The following SCUBE3 variants were observed in gnomAD, a reference collection of about 807,000 sequenced individuals.
The protein encoded by SCUBE3 is signal peptide, CUB and EGF-like domain-containing protein 3.
In SCUBE3, 33 loss-of-function variants were observed where a neutral mutation model predicts 116.8. The observed-to-expected ratio is 0.28, with a 90% CI of 0.21 to 0.38. The LOEUF (loss-of-function observed/expected upper bound fraction) is 0.38, where lower values mean the gene tolerates loss of function less well. Ranked by LOEUF, SCUBE3 falls within the 10% of genes least tolerant of loss-of-function variation. The pLI is 1.00. For missense variants in SCUBE3, 1,007 were observed against 1,324.8 expected (o/e 0.76, Z 3.72); for synonymous variants, 418 against 496.9 (o/e 0.84, Z 2.11).
Position 35,243,146 on chromosome 6 carries a change from C to A in SCUBE3, c.1819C>A (p.Leu607Met), listed in dbSNP as rs948926810. Residue 607 changes from leucine (L) to methionine (M), a missense_variant, in exon 15 of 22, where the codon CTG becomes ATG. Physicochemically the swap from Leu to Met is conservative, Grantham distance 15. Coordinates refer to ENST00000274938, the MANE Select transcript of SCUBE3 (RefSeq NM_152753.4). The surrounding 1 kb of genome is among the most constrained non-coding windows in gnomAD (Gnocchi z 6.6). ...GCGCCTGGCAGGCCTTGATTATGAG[C>A]TGGCCCACAAGCCGGGCCTGGTAGC... The part of the protein sequence containing the change: ...LLRLAGLDYE[L>M]AHKPGLVAGE... 1.9e-6 allele frequency: 3 copies of A among 1,614,090 alleles called. No individual in the cohort carries two copies. Among genetic ancestry groups the A allele is most frequent in the Non-Finnish European group, 2.5e-6 (3 of 1,180,026 alleles).
Position 35,243,382 on chromosome 6 carries a change from C to A in SCUBE3, c.1909+146C>A. On this transcript the variant is annotated intron_variant, in intron 15 of 21. Coordinates refer to ENST00000274938, the MANE Select transcript of SCUBE3 (RefSeq NM_152753.4). This position sits in a 1 kb window ranked among gnomAD's most constrained non-coding sequence, Gnocchi z 6.6. ...GCCCGCTGTCCTCCCTTCCTTGGTT[C>A]CAGGCTGAAATCTAGAAGGATGCCA... 1.1e-6 allele frequency: 1 copy of A among 887,542 alleles called. No individual in the cohort carries two copies. Among genetic ancestry groups the A allele is most frequent in the South Asian group, 1.6e-5 (1 of 61,698 alleles). 55.0% of individuals were successfully genotyped at this position (887,542 alleles called of 1,614,324 possible).
intron 7 of SCUBE3, among the ~76,000 whole-genome samples, chr6:35,238,559 T>C (rs1783878751): frequency 6.6e-6 from 1 of 152,232 alleles, no homozygotes; most frequent in Non-Finnish European, 1.5e-5. Context: ...AGTCACTTAA[T>C]GTCTCTGTGC....
rs764779695 is a variant in SCUBE3 at position 35,226,480 on chromosome 6, C to CTTTTTTTTTTTTTTT, written c.86-1092_86-1078dup. ...CAGAAGTTGGACTCTTTTCTATGTC[C>CTTTTTTTTTTTTTTT]TTTTTTTTTTTTTTTTTTTTTTGAG... On this transcript the variant is annotated intron_variant, in intron 1 of 21. Transcript: ENST00000274938. 2.5e-4 allele frequency among the ~76,000 whole-genome samples: 21 copies of CTTTTTTTTTTTTTTT among 85,230 alleles called. 3 individuals are homozygous for CTTTTTTTTTTTTTTT. The highest frequency in any genetic ancestry group is 6.3e-4 in the African/African-American group (13 of 20,734). The allele number at this position is 85,230 out of a possible 152,430, so 55.9% of individuals were successfully genotyped here.
chr6:35,224,692 C>T (rs374792774), intron 1 of SCUBE3: 5 of 147,476 alleles, frequency 3.4e-5, no homozygotes, highest in Middle Eastern at 3.6e-3. Context: ...TGGTGATCAG[C>T]ATCAAGATCC....
At chr6:35,224,970 G>A (rs777649649) in intron 1 of SCUBE3, among the ~76,000 whole-genome samples, 4 of 152,176 alleles carry the variant, frequency 2.6e-5, no homozygotes, top group East Asian at 3.8e-4. Flanking sequence ...TATGCTTTCC[G>A]CCATGGTAGC....
At chr6:35,220,053 C>T (rs1783064704) in intron 1 of SCUBE3, among the ~76,000 whole-genome samples, 1 of 152,240 alleles carries the variant, frequency 6.6e-6, no homozygotes, top group African/African-American at 2.4e-5. Flanking sequence ...CTGATTTCCT[C>T]CCTGGATCAT....
Position 35,243,124 on chromosome 6 carries a change from C to T in SCUBE3, c.1797C>T (p.Arg599=). 6.2e-7 allele frequency: 1 copy of T among 1,614,234 alleles called. No individual in the cohort carries two copies. The highest frequency in any genetic ancestry group is 1.6e-4 in the Middle Eastern group (1 of 6,062). ...KSINQDRFLL[R]LAGLDYELAH... is the part of the protein sequence containing the mutation. Reference sequence around the variant, plus strand: ...TCAACCAGGACCGCTTCCTGCTGCGCCTGGCAGGCCTTGATTATGAGCTGG... The same window carrying T: ...TCAACCAGGACCGCTTCCTGCTGCGTCTGGCAGGCCTTGATTATGAGCTGG... The change falls in exon 15 of 22, where the codon CGC becomes CGT. Residue 599 remains arginine (R), a synonymous_variant. Transcript: ENST00000274938. The surrounding 1 kb of genome is among the most constrained non-coding windows in gnomAD (Gnocchi z 6.6).
At chr6:35,224,733 G>C (rs1400558900) in intron 1 of SCUBE3, 1 of 151,984 alleles carries the variant, frequency 6.6e-6, no homozygotes. Flanking sequence ...TGAATGGGAG[G>C]CAAAGGAAAG....
In SCUBE3 at chr6:35,241,135, C is replaced by T; in HGVS notation, c.1070-6C>T. 1.9e-6 allele frequency: 3 copies of T among 1,589,392 alleles called. No individual in the cohort carries two copies. Among genetic ancestry groups the T allele is most frequent in the Non-Finnish European group, 2.6e-6 (3 of 1,160,752 alleles). On this transcript the variant is annotated splice_region_variant and splice_polypyrimidine_tract_variant and intron_variant, in intron 9 of 21. Transcript: ENST00000274938. This position sits in a 1 kb window ranked among gnomAD's most constrained non-coding sequence, Gnocchi z 4.1. ...TGTTTTTCTGTCTCCCTACTCCTTC[C>T]CCCAGATGTGGATGAATGCAGCATC...
chr6:35,227,571 C>G lies in SCUBE3; in HGVS notation c.86-9C>G, dbSNP rs773830775. On this transcript the variant is annotated splice_polypyrimidine_tract_variant and intron_variant, in intron 1 of 21. Transcript: ENST00000274938. ...AGAGGTTCTCATGTGCCCCCTCTGC[C>G]CCTGCCAGATGTGGATGAGTGTGTG... The G allele has an allele frequency of 4.3e-6, 7 of 1,614,156 alleles. 1 individual carries two copies. In the South Asian group the frequency reaches 7.7e-5, roughly 18 times the overall value.
chr6:35,224,272 G>A (rs1783234794), intron 1 of SCUBE3: 1 of 152,230 alleles, frequency 6.6e-6, no homozygotes, highest in South Asian at 2.1e-4. Flanking sequence ...AGCATTGTGA[G>A]CAGGGAGGTA....
At position 35,244,098 on chromosome 6, in the gene SCUBE3, G is replaced by A; in HGVS notation, c.2207G>A (p.Gly736Glu). The change falls in exon 17 of 22, where the codon GGG becomes GAG. Residue 736 changes from glycine to glutamate, a missense_variant. Coordinates refer to ENST00000274938, the MANE Select transcript of SCUBE3 (RefSeq NM_152753.4). This position sits in a 1 kb window ranked among gnomAD's most constrained non-coding sequence, Gnocchi z 4.3. ...CGGGLTTKHE[G>E]AISFQDCDTK... The stretch of plus-strand genomic sequence containing the variant: ...GGGGGCCTCACCACCAAGCATGAAG[G>A]GGCCATTTCCTTCCAAGACTGTGAC... 1 of 1,613,944 alleles carries A rather than the reference G, an allele frequency of 6.2e-7. No homozygotes were observed. The highest frequency in any genetic ancestry group is 8.5e-7 in the Non-Finnish European group (1 of 1,179,928).
chr6:35,242,549 G>A, intron 13 of SCUBE3, 73 bp from the exon 14 acceptor site: 2 of 1,334,512 alleles, frequency 1.5e-6, no homozygotes, highest in Middle Eastern at 1.9e-4. Context: ...TAGAGATCTG[G>A]GGAGGTCTGT....
rs9469961 is a variant in SCUBE3, at chr6:35,218,639, A to C, written c.85+4136A>C. 2.8e-3 allele frequency among the ~76,000 whole-genome samples: 424 copies of C among 152,262 alleles called. 3 individuals carry two copies. Among genetic ancestry groups the C allele is most frequent in the African/African-American group, 9.3e-3 (388 of 41,556 alleles). On this transcript the variant is annotated intron_variant, in intron 1 of 21. Coordinates refer to ENST00000274938, the MANE Select transcript of SCUBE3 (RefSeq NM_152753.4). Reference sequence around the variant, plus strand: ...GGGACAGCTTCTTCAGGCTCAGAAGACTGGAGTCTGGAAACAGAAGGACTG... The same window carrying C: ...GGGACAGCTTCTTCAGGCTCAGAAGCCTGGAGTCTGGAAACAGAAGGACTG...
rs142191332 is a variant in SCUBE3 at position 35,231,363 on chromosome 6, T to A, written c.335-362T>A. The stretch of plus-strand genomic sequence containing the variant: ...AACCCCCAGTTACCTATCCGACCAA[T>A]GTGACCAATCTCCATCCTTACCTTC... On this transcript the variant is annotated intron_variant, in intron 3 of 21. Transcript: ENST00000274938. The surrounding 1 kb of genome is among the most constrained non-coding windows in gnomAD (Gnocchi z 4.2). Among the ~76,000 whole-genome samples the A allele has an allele frequency of 2.5e-3, 380 of 152,324 alleles. No homozygotes were observed. Among genetic ancestry groups the A allele is most frequent in the African/African-American group, 8.1e-3 (336 of 41,576 alleles).
Position 35,213,972 on chromosome 6 carries a change from G to A in SCUBE3, c.-447G>A, listed in dbSNP as rs924281392. On this transcript the variant is annotated 5_prime_UTR_variant, in exon 1 of 22. Coordinates refer to ENST00000274938, the MANE Select transcript of SCUBE3 (RefSeq NM_152753.4). This position sits in a 1 kb window ranked among gnomAD's most constrained non-coding sequence, Gnocchi z 4.5. ...GGAGAAAGAGCGAGAGAGGAAGAAA[G>A]AGAGGCAGAAAGGGCGTGTTTCTGG... Among the ~76,000 whole-genome samples the A allele has an allele frequency of 3.3e-5, 5 of 152,204 alleles. No homozygotes were observed. The South Asian group carries it at 1.0e-3, about 32-fold the overall frequency.
rs779798297 is a variant in SCUBE3 at position 35,237,953 on chromosome 6, C to T, written c.764C>T (p.Ala255Val). 2.7e-5 allele frequency: 43 copies of T among 1,612,844 alleles called. No individual in the cohort carries two copies. Among genetic ancestry groups the T allele is most frequent in the African/African-American group, 5.3e-5 (4 of 74,894 alleles). The change falls in exon 7 of 22, where the codon GCG becomes GTG. Residue 255 changes from alanine (A) to valine (V), a missense_variant. Transcript: ENST00000274938. ...GGCDSKCHDAATGVHCTCPVG... is the reference protein window; with the variant it reads ...GGCDSKCHDAVTGVHCTCPVG... ...TGTGACAGTAAGTGCCATGATGCAGCGACTGGTGTCCACTGCACCTGCCCT... is the reference window on the plus strand; with the variant it reads ...TGTGACAGTAAGTGCCATGATGCAGTGACTGGTGTCCACTGCACCTGCCCT...
intron 1 of SCUBE3, chr6:35,223,413 C>T (rs574681702): frequency 6.6e-6 from 1 of 152,294 alleles, no homozygotes; most frequent in East Asian, 1.9e-4. Flanking sequence ...ATTGAACTGA[C>T]AATGTTGCTC....
At position 35,251,403 on chromosome 6, in the gene SCUBE3, A is replaced by C. The variant is rs1378701668; in HGVS notation, c.*2698A>C. On this transcript the variant is annotated 3_prime_UTR_variant, in exon 22 of 22. Coordinates refer to ENST00000274938, the MANE Select transcript of SCUBE3 (RefSeq NM_152753.4). ...TGACCTCAGGTGATCCACCCGCCTCAGTCTCCCAAAGTGCTGGGATTACAG... is the reference window on the plus strand; with the variant it reads ...TGACCTCAGGTGATCCACCCGCCTCCGTCTCCCAAAGTGCTGGGATTACAG... 6.6e-6 allele frequency: 1 copy of C among 151,576 alleles called. No homozygotes were observed. Among genetic ancestry groups the C allele is most frequent in the African/African-American group, 2.4e-5 (1 of 41,202 alleles). The allele number at this position is 151,576 out of a possible 1,614,324, so 9.4% of individuals were successfully genotyped here.
Sources: allele counts gnomAD v4.1 joint callset (sites outside exome capture counted in the v4.1 genomes callset), GRCh38; gene constraint gnomAD v4.1.1; non-coding constraint Gnocchi (gnomAD v3.1); transcripts MANE v1.5; gene names NCBI Gene and HGNC (gene_info 2026-07-23, HGNC 2026-07-21).